PDZRN4: variants seen among roughly 807,000 people sequenced by gnomAD.
The protein encoded by PDZRN4 is PDZ domain-containing RING finger protein 4.
In PDZRN4, 70 loss-of-function variants were observed where a neutral mutation model predicts 99.0. The observed-to-expected ratio is 0.71, with a 90% CI of 0.58 to 0.86. The LOEUF (loss-of-function observed/expected upper bound fraction) is 0.86, where lower values mean the gene tolerates loss of function less well. Among genes scored for constraint, PDZRN4 ranks in the 40% least tolerant of loss-of-function variants. The pLI, the probability that PDZRN4 is intolerant of heterozygous loss-of-function variation, is 0.00. For missense variants in PDZRN4, 1,474 were observed against 1,331.2 expected, an observed-to-expected ratio of 1.11 and a Z score of -1.67; for synonymous variants, 551 against 501.6, an observed-to-expected ratio of 1.10 and a Z score of -1.32.
intron 5 of PDZRN4, among the ~76,000 whole-genome samples, chr12:41,511,186 G>C (rs567770492): frequency 6.6e-6 from 1 of 152,012 alleles, no homozygotes; most frequent in African/African-American, 2.4e-5. Flanking sequence ...ATGCCTTAAA[G>C]CTTTATTAAA....
intron 3 of PDZRN4, among the ~76,000 whole-genome samples, chr12:41,366,337 T>C (rs539406436): frequency 8.3e-4 from 127 of 152,236 alleles, no homozygotes; most frequent in African/African-American, 2.8e-3. Flanking sequence ...TGCCAGCCAT[T>C]GGCTATTGAC....
chr12:41,294,242 G>A (rs1000716127), intron 3 of PDZRN4, among the ~76,000 whole-genome samples: 2 of 152,150 alleles, frequency 1.3e-5, no homozygotes, highest in Non-Finnish European at 2.9e-5. Context: ...TGCAAGTCCT[G>A]CCTTTAACAC....
intron 3 of PDZRN4, among the ~76,000 whole-genome samples, chr12:41,334,982 A>T (rs1232277094): frequency 6.6e-6 from 1 of 152,072 alleles, no homozygotes; most frequent in Non-Finnish European, 1.5e-5. Flanking sequence ...TGTGCTTTGG[A>T]ATTCTTATCC....
At chr12:41,308,555 A>C (rs1025705326) in intron 3 of PDZRN4, among the ~76,000 whole-genome samples, 3 of 152,220 alleles carry the variant, frequency 2.0e-5, no homozygotes, top group Non-Finnish European at 2.9e-5. Context: ...TCCTGAGACA[A>C]TCTCAAATTC....
intron 3 of PDZRN4, among the ~76,000 whole-genome samples, chr12:41,218,427 A>G (rs893706176): frequency 2.0e-5 from 3 of 152,142 alleles, no homozygotes; most frequent in African/African-American, 7.2e-5. Flanking sequence ...GAAAACGTTC[A>G]TTCTGTACTA....
intron 3 of PDZRN4, among the ~76,000 whole-genome samples, chr12:41,291,399 C>A (rs1951455927): frequency 6.6e-6 from 1 of 152,076 alleles, no homozygotes; most frequent in South Asian, 2.1e-4. Context: ...TCAGTTTTAC[C>A]CCTAATTTCT....
intron 3 of PDZRN4, among the ~76,000 whole-genome samples, chr12:41,435,517 G>A (rs1253636841): frequency 2.6e-5 from 4 of 152,150 alleles, no homozygotes; most frequent in East Asian, 1.9e-4. Flanking sequence ...GGCTGGGTGC[G>A]TTGGCTCACG....
chr12:41,414,156 T>C (rs1180880162), intron 3 of PDZRN4, among the ~76,000 whole-genome samples: 1 of 152,192 alleles, frequency 6.6e-6, no homozygotes, highest in African/African-American at 2.4e-5. Flanking sequence ...TTCTGGCTTG[T>C]AGGGTTTCTG....
chr12:41,493,702 G>T (rs1207796774), intron 3 of PDZRN4, among the ~76,000 whole-genome samples: 2 of 152,076 alleles, frequency 1.3e-5, no homozygotes, highest in Non-Finnish European at 2.9e-5. Flanking sequence ...TAGTGATTGT[G>T]TCCACGAAGG....
chr12:41,313,755 A>T (rs1289081388), intron 3 of PDZRN4, among the ~76,000 whole-genome samples: 1 of 152,222 alleles, frequency 6.6e-6, no homozygotes, highest in Non-Finnish European at 1.5e-5. Flanking sequence ...GAGGCAGGGC[A>T]GGAGGAAGTG....
At chr12:41,475,625 C>T (rs1008627729) in intron 3 of PDZRN4, among the ~76,000 whole-genome samples, 2 of 152,128 alleles carry the variant, frequency 1.3e-5, no homozygotes, top group Non-Finnish European at 2.9e-5. Context: ...AGTATTTTGG[C>T]CCTGTGTTCT....
intron 3 of PDZRN4, among the ~76,000 whole-genome samples, chr12:41,348,847 T>C (rs1456873810): frequency 2.0e-5 from 3 of 152,036 alleles, no homozygotes; most frequent in Non-Finnish European, 4.4e-5. Context: ...TTTAATAAAT[T>C]TCTATTTGTC....
intron 3 of PDZRN4, among the ~76,000 whole-genome samples, chr12:41,249,548 G>C (rs976237177): frequency 6.6e-6 from 1 of 152,124 alleles, no homozygotes; most frequent in Non-Finnish European, 1.5e-5. Context: ...TGGCTTTGAG[G>C]CTGGACAGAA....
chr12:41,474,361 T>G (rs1953020564), intron 3 of PDZRN4, among the ~76,000 whole-genome samples: 1 of 152,208 alleles, frequency 6.6e-6, no homozygotes, highest in African/African-American at 2.4e-5. Context: ...CATAAAGCAT[T>G]TATTATACAA....
chr12:41,188,740 C>A lies in PDZRN4; in HGVS notation c.285C>A (p.His95Gln), dbSNP rs756004928. ...GCTGCGGCCACTCGGTCAGGCTGCA[C>A]GAGCTGGAGGCGCACGTCGAGCACT... is the stretch of plus-strand genomic sequence containing the variant. ...ARGCGHSVRLHELEAHVEHCD... is the reference protein window; with the variant it reads ...ARGCGHSVRLQELEAHVEHCD... Residue 95 changes from histidine (H) to glutamine (Q), a missense_variant, in exon 1 of 10, where the codon CAC becomes CAA. Coordinates refer to ENST00000402685, the MANE Select transcript of PDZRN4 (RefSeq NM_001164595.2). 1.3e-6 allele frequency: 2 copies of A among 1,540,274 alleles called. No individual in the cohort carries two copies. Among genetic ancestry groups the A allele is most frequent in the East Asian group, 4.9e-5 (2 of 40,710 alleles).
In PDZRN4 at chr12:41,547,573, C is replaced by T. The variant is rs563064288; in HGVS notation, c.1204-5083C>T. Among the ~76,000 whole-genome samples, 6 of 151,722 alleles carry T rather than the reference C, an allele frequency of 4.0e-5. 1 individual carries two copies. Among genetic ancestry groups the T allele is most frequent in the African/African-American group, 7.3e-5 (3 of 41,238 alleles). Reference sequence around the variant, plus strand: ...CCTGGGAGTGGAGGTTGCAGTCAGCCGAGATCATATCACTGCATTCCAGCC... The same window carrying T: ...CCTGGGAGTGGAGGTTGCAGTCAGCTGAGATCATATCACTGCATTCCAGCC... On this transcript the variant is annotated intron_variant, in intron 5 of 9. Coordinates refer to ENST00000402685, the MANE Select transcript of PDZRN4 (RefSeq NM_001164595.2).
intron 3 of PDZRN4, among the ~76,000 whole-genome samples, chr12:41,420,583 G>A (rs987328202): frequency 6.6e-6 from 1 of 151,988 alleles, no homozygotes; most frequent in Non-Finnish European, 1.5e-5. Context: ...TAGCTCCCCT[G>A]CCTGGTCTTC....
chr12:41,544,144 C>A (rs1159136522), intron 5 of PDZRN4, among the ~76,000 whole-genome samples: 1 of 152,184 alleles, frequency 6.6e-6, no homozygotes, highest in Non-Finnish European at 1.5e-5. Context: ...TAATCCATTG[C>A]ATGTAGCAGG....
At chr12:41,423,406 G>A (rs369837015) in intron 3 of PDZRN4, among the ~76,000 whole-genome samples, 5 of 152,008 alleles carry the variant, frequency 3.3e-5, no homozygotes, top group South Asian at 4.2e-4. Context: ...TTTGGTTTTC[G>A]GTTCTTGCAT....
Sources: gnomAD v4.1 joint callset for allele counts (sites outside exome capture counted in the v4.1 genomes callset) on GRCh38, gnomAD v4.1.1 for gene constraint, MANE v1.5 for transcripts, NCBI Gene and HGNC (gene_info 2026-07-23, HGNC 2026-07-21) for gene names.